Variants in SEMA5A observed in about 807,000 individuals in gnomAD.
The protein encoded by SEMA5A is semaphorin 5A.
In SEMA5A, 55 loss-of-function variants were observed where a neutral mutation model predicts 135.5. That is an observed-to-expected ratio of 0.41 (90% CI 0.33 to 0.51). The LOEUF (loss-of-function observed/expected upper bound fraction) is 0.51, where lower values mean the gene tolerates loss of function less well. Ranked by LOEUF, SEMA5A falls within the 20% of genes least tolerant of loss-of-function variation. The probability of loss-of-function intolerance (pLI) is 0.37; values close to 1 mark genes in which losing one functional copy is unlikely to be tolerated. For synonymous variants in SEMA5A, 580 were observed against 546.5 expected (o/e 1.06, Z -0.85); for missense variants, 1,290 against 1,419.9 (o/e 0.91, Z 1.47).
At chr5:9,497,298 A>G (rs1735351183) in intron 1 of SEMA5A, among the ~76,000 whole-genome samples, 1 of 152,198 alleles carries the variant, frequency 6.6e-6, no homozygotes, top group South Asian at 2.1e-4. Context: ...TGCAAAATGT[A>G]TGCACAAGTA....
chr5:9,069,609 G>C (rs1299717694), intron 16 of SEMA5A, among the ~76,000 whole-genome samples: 1 of 151,844 alleles, frequency 6.6e-6, no homozygotes, highest in Non-Finnish European at 1.5e-5. Context: ...TTTTACAGCG[G>C]ATAACACTCA....
chr5:9,178,331 C>CTTTTTTTTTTT (rs5865809), intron 11 of SEMA5A, among the ~76,000 whole-genome samples: 1 of 123,600 alleles, frequency 8.1e-6, no homozygotes. Context: ...TTTTTCTCTC[C>CTTTTTTTTTTT]TTTTTTTTTT....
chr5:9,118,865 C>T (rs1022524390), intron 15 of SEMA5A, 133 bp downstream of exon 15: 9 of 1,142,562 alleles, frequency 7.9e-6, no homozygotes, highest in Admixed American at 2.9e-5. Flanking sequence ...AAGAAGAGGA[C>T]GACTGGCTCA....
intron 5 of SEMA5A, among the ~76,000 whole-genome samples, chr5:9,292,403 T>G (rs971000865): frequency 6.6e-6 from 1 of 152,108 alleles, no homozygotes; most frequent in Non-Finnish European, 1.5e-5. Context: ...TGAAATACAG[T>G]GAGATTAAGT....
intron 3 of SEMA5A, among the ~76,000 whole-genome samples, chr5:9,362,993 G>A (rs146761260): frequency 5.3e-5 from 8 of 152,262 alleles, no homozygotes; most frequent in South Asian, 4.1e-4. Context: ...TTTGTAATGC[G>A]TCTTACTTTT....
At chr5:9,051,541 A>ATTT (rs1222268976) in intron 20 of SEMA5A, among the ~76,000 whole-genome samples, 1 of 152,248 alleles carries the variant, frequency 6.6e-6, no homozygotes, top group Admixed American at 6.5e-5. Context: ...CTGCCTAAAC[A>ATTT]TTTAACCTAA....
chr5:9,498,578 G>A (rs1262634522), intron 1 of SEMA5A: 1 of 152,154 alleles, frequency 6.6e-6, no homozygotes, highest in African/African-American at 2.4e-5. Context: ...TCATTATGAA[G>A]ATGCGGGGTC....
intron 8 of SEMA5A, among the ~76,000 whole-genome samples, chr5:9,211,609 G>A (rs1274091480): frequency 6.6e-6 from 1 of 152,028 alleles, no homozygotes; most frequent in Non-Finnish European, 1.5e-5. Context: ...GTCAGCACCT[G>A]GTCCCAAGGA....
At chr5:9,483,308 T>A (rs35607365) in intron 1 of SEMA5A, among the ~76,000 whole-genome samples, 1 of 152,068 alleles carries the variant, frequency 6.6e-6, no homozygotes, top group Non-Finnish European at 1.5e-5. Flanking sequence ...TCCCTCACTC[T>A]TCTCTCAACT....
intron 5 of SEMA5A, among the ~76,000 whole-genome samples, chr5:9,285,084 C>T (rs1750734427): frequency 3.3e-5 from 5 of 152,180 alleles, no homozygotes; most frequent in Admixed American, 3.3e-4. Context: ...CTAAATTCCT[C>T]AAGCCTCCTA....
rs945729202 is a variant in SEMA5A, at chr5:9,041,098, C to A, written c.*1799G>T. The A allele has an allele frequency of 5.9e-5, 9 of 152,178 alleles. No individual in the cohort carries two copies. 9.4% of individuals were successfully genotyped at this position (152,178 alleles called of 1,614,324 possible). On this transcript the variant is annotated 3_prime_UTR_variant, in exon 23 of 23. Coordinates refer to ENST00000382496, the MANE Select transcript of SEMA5A (RefSeq NM_003966.3). ...TGCAAAGACCCTGAATGTCATTAAT[C>A]CAAAATAACTTACAGAGCCCACCTG... is the stretch of plus-strand genomic sequence containing the variant.
chr5:9,136,763 G>T, intron 12 of SEMA5A, 142 bp from the exon 13 acceptor site: 1 of 685,514 alleles, frequency 1.5e-6, no homozygotes. Context: ...CTGCACACTG[G>T]AGAGCACAGC....
Position 9,090,479 on chromosome 5 carries a change from C to T in SEMA5A, c.2073+17661G>A, listed in dbSNP as rs528032596. The stretch of plus-strand genomic sequence containing the variant: ...AGTAAAGAAGAGAAAGATAATACAA[C>T]TTAAAATGTTGAAAGAACTCTTCTC... On this transcript the variant is annotated intron_variant, in intron 16 of 22. Transcript: ENST00000382496. Among the ~76,000 whole-genome samples the T allele has an allele frequency of 1.1e-4, 17 of 152,306 alleles. No homozygotes were observed. In the South Asian group the frequency reaches 1.4e-3, roughly 13 times the overall value.
At chr5:9,075,406 A>G (rs1017557882) in intron 16 of SEMA5A, among the ~76,000 whole-genome samples, 25 of 151,834 alleles carry the variant, frequency 1.6e-4, no homozygotes, top group Non-Finnish European at 3.5e-4. Flanking sequence ...TGTAATAGAC[A>G]AGAAACTGGA....
At chr5:9,252,645 C>A (rs746136404) in intron 5 of SEMA5A, among the ~76,000 whole-genome samples, 14 of 152,144 alleles carry the variant, frequency 9.2e-5, no homozygotes, top group Non-Finnish European at 1.9e-4. Flanking sequence ...GGTCATCAAG[C>A]CTTATGTACT....
chr5:9,428,405 T>A (rs968971089), intron 2 of SEMA5A, among the ~76,000 whole-genome samples: 3 of 152,206 alleles, frequency 2.0e-5, no homozygotes. Context: ...GTAACACTGA[T>A]AGTGTTCAAA....
intron 12 of SEMA5A, among the ~76,000 whole-genome samples, chr5:9,145,541 A>C (rs994321079): frequency 3.9e-5 from 6 of 152,148 alleles, no homozygotes; most frequent in African/African-American, 7.2e-5. Flanking sequence ...TGGAGCCAAG[A>C]AGTGGTGGCA....
intron 11 of SEMA5A, among the ~76,000 whole-genome samples, chr5:9,189,033 C>T (rs1315708774): frequency 3.3e-5 from 5 of 152,254 alleles, no homozygotes; most frequent in South Asian, 2.1e-4. Flanking sequence ...CCTTACCTGA[C>T]CACTCAGTGG....
At chr5:9,177,971 T>C (rs903278724) in intron 11 of SEMA5A, among the ~76,000 whole-genome samples, 5 of 152,332 alleles carry the variant, frequency 3.3e-5, no homozygotes, top group African/African-American at 1.2e-4. Context: ...TTATAATAAA[T>C]TGGAATTTAC....
Sources: gnomAD v4.1 joint callset for allele counts (sites outside exome capture counted in the v4.1 genomes callset) on GRCh38, gnomAD v4.1.1 for gene constraint, MANE v1.5 for transcripts, NCBI Gene and HGNC (gene_info 2026-07-23, HGNC 2026-07-21) for gene names.